The following CACNA1H variants were observed in gnomAD, a reference collection of about 807,000 sequenced individuals.
CACNA1H encodes voltage-dependent T-type calcium channel subunit alpha-1H.
CACNA1H carries 149 observed loss-of-function variants against 192.5 expected under a neutral mutation model. That is an observed-to-expected ratio of 0.77 (90% CI 0.68 to 0.89). The LOEUF (loss-of-function observed/expected upper bound fraction) is 0.89, where lower values mean the gene tolerates loss of function less well. Among genes scored for constraint, CACNA1H ranks in the 40% least tolerant of loss-of-function variants. The probability of loss-of-function intolerance (pLI) is 0.00; values close to 1 mark genes in which losing one functional copy is unlikely to be tolerated. For synonymous variants in CACNA1H, 2,202 were observed against 1,475.2 expected, an observed-to-expected ratio of 1.49 and a Z score of -11.29; for missense variants, 4,257 against 3,423.5, an observed-to-expected ratio of 1.24 and a Z score of -6.08.
intron 2 of CACNA1H, chr16:1,158,061 T>C (rs962928573): frequency 1.3e-5 from 2 of 152,190 alleles, no homozygotes; most frequent in Admixed American, 6.5e-5. Flanking sequence ...ATGGATCCAT[T>C]AGTCTCTGAA....
intron 2 of CACNA1H, among the ~76,000 whole-genome samples, chr16:1,194,591 G>A (rs974269512): frequency 2.6e-5 from 4 of 152,196 alleles, no homozygotes; most frequent in African/African-American, 4.8e-5. Flanking sequence ...CCCCCAGCGC[G>A]GGAGCCCTAT....
intron 11 of CACNA1H, 63 bp downstream of exon 11, chr16:1,205,328 C>T (rs111518379): frequency 7.3e-6 from 11 of 1,508,234 alleles, no homozygotes; most frequent in African/African-American, 4.1e-5. Flanking sequence ...GGCAGAAATC[C>T]CACCTGCAGA....
chr16:1,174,083 C>T (rs1001920828), intron 2 of CACNA1H, among the ~76,000 whole-genome samples: 8 of 152,224 alleles, frequency 5.3e-5, no homozygotes, highest in African/African-American at 1.9e-4. Context: ...GAGCTGTCAC[C>T]TAGCTGGCCT....
Position 1,180,079 on chromosome 16 carries a change from G to C in CACNA1H, c.300-14893G>C, listed in dbSNP as rs1596337780. On this transcript the variant is annotated intron_variant, in intron 2 of 34. Coordinates refer to ENST00000348261, the MANE Select transcript of CACNA1H (RefSeq NM_021098.3). This position sits in a 1 kb window ranked among gnomAD's most constrained non-coding sequence, Gnocchi z 4.4. ...ACATCTGGTTGCCGGGTGATACTGA[G>C]GGGGCCGGGCTCTGCAGGCACAGGG... Among the ~76,000 whole-genome samples the C allele has an allele frequency of 6.6e-6, 1 of 152,196 alleles. No individual in the cohort carries two copies. The highest frequency in any genetic ancestry group is 6.5e-5 in the Admixed American group (1 of 15,288).
At chr16:1,201,615 CAG>C (rs778434398) in intron 8 of CACNA1H, 46 bp from the exon 9 acceptor site, 2 of 1,508,490 alleles carry the variant, frequency 1.3e-6, no homozygotes, top group South Asian at 2.6e-5. Flanking sequence ...AGTGGCGAAT[CAG>C]AGACTCGCTC....
rs554818667 is a variant in CACNA1H at position 1,195,401 on chromosome 16, C to T, written c.412-31C>T. 98 of 1,550,180 alleles carry T rather than the reference C, an allele frequency of 6.3e-5. 1 individual carries two copies. In the African/African-American group the frequency reaches 1.2e-3, roughly 19 times the overall value. On this transcript the variant is annotated intron_variant, in intron 3 of 34. Coordinates refer to ENST00000348261, the MANE Select transcript of CACNA1H (RefSeq NM_021098.3). Reference sequence around the variant, plus strand: ...GGGTTGTGGGCTGAGCTGAGCTGTTCCACGGGCCCTCCTGATGCCTCCTCC... The same window carrying T: ...GGGTTGTGGGCTGAGCTGAGCTGTTTCACGGGCCCTCCTGATGCCTCCTCC...
At chr16:1,190,179 C>T (rs1430958722) in intron 2 of CACNA1H, among the ~76,000 whole-genome samples, 1 of 152,248 alleles carries the variant, frequency 6.6e-6, no homozygotes, top group African/African-American at 2.4e-5. Flanking sequence ...ACCGTTCTGC[C>T]GCCCTGCAGC....
chr16:1,154,533 G>A (rs997101686), intron 2 of CACNA1H, among the ~76,000 whole-genome samples: 2 of 152,184 alleles, frequency 1.3e-5, no homozygotes, highest in Non-Finnish European at 2.9e-5. Flanking sequence ...GGGGAGACCC[G>A]TGGGGCCTGT....
chr16:1,208,374 C>G (rs753568908), intron 16 of CACNA1H, among the ~76,000 whole-genome samples, 153 bp downstream of exon 16: 1 of 152,090 alleles, frequency 6.6e-6, no homozygotes, highest in Non-Finnish European at 1.5e-5. Context: ...TTCTGGTTTC[C>G]GGAAATGGAA....
rs780870706 is a variant in CACNA1H, at chr16:1,220,612, C to T, written c.6680C>T (p.Pro2227Leu). The stretch of plus-strand genomic sequence containing the variant: ...AGGACCCCGTCCTGTGAGGCCACGC[C>T]TCACAGGGACTCCCTGGAGCCCACA... ...RRRTPSCEAT[P>L]HRDSLEPTEG... is the part of the protein sequence containing the mutation. Residue 2227 changes from proline (P) to leucine (L), a missense_variant, in exon 35 of 35, where the codon CCT becomes CTT. By Grantham distance (98) the Pro-to-Leu change is moderately conservative. Transcript: ENST00000348261. 7.1e-5 allele frequency: 112 copies of T among 1,576,360 alleles called. No homozygotes were observed. Among genetic ancestry groups the T allele is most frequent in the Non-Finnish European group, 9.4e-5 (109 of 1,165,352 alleles).
chr16:1,155,416 T>C (rs1042125019), intron 2 of CACNA1H, among the ~76,000 whole-genome samples: 1 of 151,882 alleles, frequency 6.6e-6, no homozygotes, highest in Non-Finnish European at 1.5e-5. Flanking sequence ...AGGCGGGAGG[T>C]GGTCATGCCC....
At chr16:1,185,275 C>T (rs1357959352) in intron 2 of CACNA1H, among the ~76,000 whole-genome samples, 1 of 152,212 alleles carries the variant, frequency 6.6e-6, no homozygotes, top group African/African-American at 2.4e-5. Flanking sequence ...AGGGCTGTTT[C>T]CATCACAGGC....
At chr16:1,188,207 G>A (rs768884151) in intron 2 of CACNA1H, among the ~76,000 whole-genome samples, 22 of 152,194 alleles carry the variant, frequency 1.4e-4, no homozygotes, top group Non-Finnish European at 2.8e-4. Context: ...ACGTGAGCCA[G>A]CGGGTCTGGG....
rs777171317 is a variant in CACNA1H, at chr16:1,211,507, C to A, written c.4377C>A (p.Cys1459Ter). 1 of 1,612,470 alleles carries A rather than the reference C, an allele frequency of 6.2e-7. No homozygotes were observed. The highest frequency in any genetic ancestry group is 1.1e-5 in the South Asian group (1 of 91,084). ...TCTTCAAAGGGAAGTTCTACTACTG[C>A]GAGGGCCCCGACACCAGGAACATCT... is the stretch of plus-strand genomic sequence containing the variant. ...VQLFKGKFYY[C>*]EGPDTRNIST... Residue 1459 changes from cysteine to a stop codon, truncating the protein, a stop_gained, in exon 23 of 35, where the codon TGC (cysteine) becomes TGA (stop). Coordinates refer to ENST00000348261, the MANE Select transcript of CACNA1H (RefSeq NM_021098.3). LOFTEE classifies it high-confidence loss of function.
Position 1,195,069 on chromosome 16 carries a change from T to C in CACNA1H, c.397T>C (p.Cys133Arg). 6.2e-7 allele frequency: 1 copy of C among 1,601,484 alleles called. No individual in the cohort carries two copies. Among genetic ancestry groups the C allele is most frequent in the Non-Finnish European group, 8.5e-7 (1 of 1,173,372 alleles). The change falls in exon 3 of 35, where the codon TGC (cysteine) becomes CGC (arginine). Residue 133 changes from cysteine to arginine, a missense_variant. By Grantham distance (180) the Cys-to-Arg change is radical. Coordinates refer to ENST00000348261, the MANE Select transcript of CACNA1H (RefSeq NM_021098.3). ...CEDVECGSER[C>R]NILEAFDAFI... ...GGACGTTGAGTGCGGCTCCGAGCGC[T>C]GCAACATCCTGGAGGTGAGGGGCGT...
At chr16:1,190,785 A>C (rs1032487894) in intron 2 of CACNA1H, among the ~76,000 whole-genome samples, 1 of 152,198 alleles carries the variant, frequency 6.6e-6, no homozygotes, top group African/African-American at 2.4e-5. Flanking sequence ...GGGGAGGCAG[A>C]GGATCTACGA....
chr16:1,198,496 G>C (rs931408783), intron 5 of CACNA1H, 119 bp from the exon 6 acceptor site: 3 of 1,081,126 alleles, frequency 2.8e-6, no homozygotes, highest in African/African-American at 3.1e-5. Flanking sequence ...TCAGTGTGCA[G>C]TGGGCGTGGA....
chr16:1,212,658 C>T (rs914648279), intron 26 of CACNA1H, 130 bp downstream of exon 26: 7 of 1,120,194 alleles, frequency 6.2e-6, no homozygotes, highest in East Asian at 2.6e-5. Context: ...GGGCGTGTGG[C>T]GTGAGGAGGG....
chr16:1,157,982 G>GCCCTTGCCCGTGGCA (rs554512224), intron 2 of CACNA1H: 1 of 150,136 alleles, frequency 6.7e-6, no homozygotes, highest in African/African-American at 2.5e-5. Flanking sequence ...TGCCCGTGGC[G>GCCCTTGCCCGTGGCA]CCCTTGCCCG....
Sources: gnomAD v4.1 joint callset for allele counts (sites outside exome capture counted in the v4.1 genomes callset) on GRCh38, gnomAD v4.1.1 for gene constraint, Gnocchi (gnomAD v3.1) non-coding constraint, MANE v1.5 for transcripts, NCBI Gene and HGNC (gene_info 2026-07-23, HGNC 2026-07-21) for gene names.